Variants in NUDT7 observed in about 807,000 individuals in gnomAD.
NUDT7 encodes peroxisomal coenzyme A diphosphatase NUDT7.
Under a neutral mutation model 13.1 loss-of-function variants are expected in NUDT7, and 19 were observed. That is an observed-to-expected ratio of 1.45 (90% CI 1.01 to 2.13). NUDT7 has a LOEUF of 2.13. Among genes scored for constraint, NUDT7 ranks in the 30% most tolerant of loss-of-function variants. NUDT7 has a pLI of 0.00. For missense variants in NUDT7, 360 were observed against 291.7 expected (o/e 1.23, Z -1.71); for synonymous variants, 132 against 109.7 (o/e 1.20, Z -1.27).
rs2013993219 is a variant in NUDT7 at position 77,722,620 on chromosome 16, A to G, written c.35+3A>G. The G allele has an allele frequency of 6.3e-7, 1 of 1,593,022 alleles. No homozygotes were observed. ...GGTCTTCCCGAGGAGCCAGTCAGGT[A>G]AAGGCTTTCCGGGCCCTGGCACCCC... On this transcript the variant is annotated splice_donor_region_variant and intron_variant, in intron 1 of 3. Transcript: ENST00000268533.
chr16:77,727,136 G>C (rs2014163811), intron 2 of NUDT7, among the ~76,000 whole-genome samples: 1 of 152,026 alleles, frequency 6.6e-6, no homozygotes, highest in Non-Finnish European at 1.5e-5. Flanking sequence ...CCAACACTGG[G>C]GACTCCAGTT....
chr16:77,736,981 A>G (rs2014507210), intron 3 of NUDT7, among the ~76,000 whole-genome samples: 2 of 152,184 alleles, frequency 1.3e-5, no homozygotes, highest in African/African-American at 4.8e-5. Context: ...ATGTAGACCT[A>G]GTTTCCATAT....
intron 2 of NUDT7, among the ~76,000 whole-genome samples, chr16:77,730,232 C>T (rs781127546): frequency 6.6e-6 from 1 of 152,152 alleles, no homozygotes; most frequent in Admixed American, 6.5e-5. Flanking sequence ...ATTTATTCCT[C>T]CTGACTGGCT....
At chr16:77,731,139 TA>T (rs2014305849) in intron 2 of NUDT7, among the ~76,000 whole-genome samples, 1 of 152,126 alleles carries the variant, frequency 6.6e-6, no homozygotes, top group Non-Finnish European at 1.5e-5. Context: ...GGTCATATTT[TA>T]AAAATCATTG....
At chr16:77,738,002 G>A (rs1198013668) in intron 3 of NUDT7, among the ~76,000 whole-genome samples, 12 of 152,010 alleles carry the variant, frequency 7.9e-5, no homozygotes. Context: ...CCCAAGGGTG[G>A]TTTTGTTTGC....
chr16:77,737,664 T>G (rs966314069), intron 3 of NUDT7, among the ~76,000 whole-genome samples: 1 of 152,118 alleles, frequency 6.6e-6, no homozygotes, highest in Admixed American at 6.6e-5. Flanking sequence ...TTTTTGTATT[T>G]TTAGTAGAGA....
chr16:77,725,598 A>C lies in NUDT7; in HGVS notation c.189+14A>C. On this transcript the variant is annotated intron_variant, in intron 2 of 3. Coordinates refer to ENST00000268533, the MANE Select transcript of NUDT7 (RefSeq NM_001105663.3). ...CGGTCAGAGAAGGTAGGTGGACAAA[A>C]AATTTCCTGCCCTTAAACCTCAGGA... The C allele has an allele frequency of 6.2e-7, 1 of 1,612,664 alleles. No homozygotes were observed. Among genetic ancestry groups the C allele is most frequent in the Non-Finnish European group, 8.5e-7 (1 of 1,179,356 alleles).
intron 2 of NUDT7, chr16:77,735,352 G>C: frequency 2.0e-6 from 1 of 501,996 alleles, no homozygotes; most frequent in East Asian, 3.1e-5. Context: ...TTGTTTAAAA[G>C]TGTGTAGCAC....
chr16:77,725,874 C>T (rs1452350649), intron 2 of NUDT7, among the ~76,000 whole-genome samples: 1 of 152,200 alleles, frequency 6.6e-6, no homozygotes, highest in Admixed American at 6.5e-5. Flanking sequence ...GGTGTGGAGG[C>T]TGTCCTGTAT....
intron 2 of NUDT7, among the ~76,000 whole-genome samples, chr16:77,728,963 C>G (rs1046913663): frequency 6.6e-6 from 1 of 152,170 alleles, no homozygotes; most frequent in Admixed American, 6.5e-5. Flanking sequence ...ACCCTCCTCC[C>G]TGCACCCCAT....
chr16:77,741,169 T>C (rs963625233), intron 3 of NUDT7, among the ~76,000 whole-genome samples: 10 of 152,214 alleles, frequency 6.6e-5, no homozygotes, highest in African/African-American at 2.4e-4. Context: ...TAAATGCCTA[T>C]AAAGTGAAGA....
At chr16:77,724,970 C>T (rs920258656) in intron 1 of NUDT7, among the ~76,000 whole-genome samples, 4 of 152,106 alleles carry the variant, frequency 2.6e-5, no homozygotes, top group East Asian at 3.9e-4. Flanking sequence ...TGACAGCCAG[C>T]GCTCCAGGTG....
At chr16:77,723,821 A>G (rs9929424) in intron 1 of NUDT7, among the ~76,000 whole-genome samples, 18,125 of 151,848 alleles carry the variant, frequency 0.12, 1,152 homozygotes, top group East Asian at 0.23. Flanking sequence ...CGAACTCCTG[A>G]CTTCAAGTGA....
At chr16:77,739,948 C>G (rs546095941) in intron 3 of NUDT7, among the ~76,000 whole-genome samples, 21 of 152,274 alleles carry the variant, frequency 1.4e-4, no homozygotes, top group African/African-American at 4.6e-4. Flanking sequence ...CCCTTGCCAG[C>G]CTTCTTCCCT....
intron 2 of NUDT7, among the ~76,000 whole-genome samples, chr16:77,728,205 A>C (rs929494293): frequency 1.3e-5 from 2 of 152,008 alleles, no homozygotes; most frequent in Admixed American, 6.6e-5. Context: ...TCAAATGTGC[A>C]ATCTCCCACT....
Position 77,742,036 on chromosome 16 carries a change from T to C in NUDT7, c.*86T>C. Reference sequence around the variant, plus strand: ...ACAACAACAATGCCAGCTGTTGGAATTTGACAGGTGTGAATATTTTTTCTG... The same window carrying C: ...ACAACAACAATGCCAGCTGTTGGAACTTGACAGGTGTGAATATTTTTTCTG... On this transcript the variant is annotated 3_prime_UTR_variant, in exon 4 of 4. Transcript: ENST00000268533. 1.3e-6 allele frequency: 2 copies of C among 1,491,580 alleles called. No individual in the cohort carries two copies. Among genetic ancestry groups the C allele is most frequent in the East Asian group, 2.3e-5 (1 of 43,776 alleles). 92.4% of individuals were successfully genotyped at this position (1,491,580 alleles called of 1,614,324 possible).
At chr16:77,732,973 C>G (rs8058965) in intron 2 of NUDT7, among the ~76,000 whole-genome samples, 14,658 of 152,166 alleles carry the variant, frequency 0.096, 817 homozygotes, top group African/African-American at 0.16. Flanking sequence ...TTTGCAGTCG[C>G]TGGTGAGTGT....
At position 77,741,617 on chromosome 16, in the gene NUDT7, A is replaced by G. The variant is rs1379486243; in HGVS notation, c.384A>G (p.Ile128Met). Residue 128 changes from isoleucine to methionine, a missense_variant, in exon 4 of 4, where the codon ATA (isoleucine) becomes ATG (methionine). Transcript: ENST00000268533. ...TGATAACTCCATTTGTGGGTTTAAT[A>G]GACCACAACTTCCAGGCCCAGCCGA... ...DTLITPFVGLIDHNFQAQPNP... is the reference protein window; with the variant it reads ...DTLITPFVGLMDHNFQAQPNP... 6.2e-7 allele frequency: 1 copy of G among 1,612,904 alleles called. No homozygotes were observed. The highest frequency in any genetic ancestry group is 8.5e-7 in the Non-Finnish European group (1 of 1,179,850).
intron 2 of NUDT7, among the ~76,000 whole-genome samples, chr16:77,726,174 T>C (rs933178811): frequency 6.6e-6 from 1 of 152,194 alleles, no homozygotes; most frequent in Non-Finnish European, 1.5e-5. Context: ...GAATCCAGGC[T>C]CTCTCCTTGC....
Sources: gnomAD v4.1 joint callset for allele counts (sites outside exome capture counted in the v4.1 genomes callset) on GRCh38, gnomAD v4.1.1 for gene constraint, MANE v1.5 for transcripts, NCBI Gene and HGNC (gene_info 2026-07-23, HGNC 2026-07-21) for gene names.